ARHGEF7: variants seen among roughly 807,000 people sequenced by gnomAD.
ARHGEF7 encodes PAK-interacting exchange factor beta.
A neutral mutation model predicts 109.8 loss-of-function variants in ARHGEF7; 33 were observed. That is an observed-to-expected ratio of 0.30 (90% CI 0.23 to 0.40). ARHGEF7 has a LOEUF of 0.40. Ranked by LOEUF, ARHGEF7 falls within the 10% of genes least tolerant of loss-of-function variation. ARHGEF7 has a pLI of 1.00. For synonymous variants in ARHGEF7, 458 were observed against 424.6 expected (o/e 1.08, Z -0.97); for missense variants, 938 against 1,098.5 (o/e 0.85, Z 2.07).
chr13:111,232,546 T>C (rs1045091956), intron 5 of ARHGEF7, among the ~76,000 whole-genome samples: 6 of 152,260 alleles, frequency 3.9e-5, no homozygotes, highest in Non-Finnish European at 8.8e-5. Flanking sequence ...GCACCTGTTA[T>C]GCAGAGTAAG....
At chr13:111,276,643 A>G (rs1595448747) in intron 12 of ARHGEF7, among the ~76,000 whole-genome samples, 1 of 152,222 alleles carries the variant, frequency 6.6e-6, no homozygotes, top group South Asian at 2.1e-4. Context: ...AAGATTCTTT[A>G]TGATAGAGCT....
intron 1 of ARHGEF7, among the ~76,000 whole-genome samples, chr13:111,126,451 C>T (rs1281288691): frequency 1.3e-5 from 2 of 151,052 alleles, no homozygotes; most frequent in Non-Finnish European, 2.9e-5. Context: ...GATCGTGCCA[C>T]TGCACTCCAG....
chr13:111,164,050 G>A (rs1015356371), intron 2 of ARHGEF7, among the ~76,000 whole-genome samples: 2 of 146,482 alleles, frequency 1.4e-5, no homozygotes, highest in Non-Finnish European at 3.1e-5. Flanking sequence ...CGTATTGCGT[G>A]TTGCGTTTGG....
At position 111,283,250 on chromosome 13, in the gene ARHGEF7, A is replaced by C; in HGVS notation, c.1837A>C (p.Thr613Pro). Residue 613 changes from threonine to proline, a missense_variant, in exon 16 of 22, where the codon ACC (threonine) becomes CCC (proline). Around this residue, in one of 4 missense-constraint regions of ARHGEF7, gnomAD observed 585 missense variants for 723.6 expected, o/e 0.81. Coordinates refer to ENST00000646102, the MANE Select transcript of ARHGEF7 (RefSeq NM_001354046.2). ...CCCCTCCCACCACGGCACCCCGCAC[A>C]CCACCATCAACTGGGGACCCCTGGA... The part of the protein sequence containing the change: ...PHPSHHGTPH[T>P]TINWGPLEPP... The C allele has an allele frequency of 6.3e-7, 1 of 1,585,530 alleles. No homozygotes were observed. Among genetic ancestry groups the C allele is most frequent in the Non-Finnish European group, 8.6e-7 (1 of 1,168,858 alleles).
In ARHGEF7 at chr13:111,273,135, A is replaced by G. The variant is rs1351430475; in HGVS notation, c.1074-679A>G. 6.6e-6 allele frequency among the ~76,000 whole-genome samples: 1 copy of G among 152,236 alleles called. No homozygotes were observed. The highest frequency in any genetic ancestry group is 1.5e-5 in the Non-Finnish European group (1 of 68,042). ...CTTCCTTACGTGTTGTGAGGATTGA[A>G]TGTAACAATGCTTTTGAAGTTCTAA... On this transcript the variant is annotated intron_variant, in intron 9 of 21. Coordinates refer to ENST00000646102, the MANE Select transcript of ARHGEF7 (RefSeq NM_001354046.2). This position sits in a 1 kb window ranked among gnomAD's most constrained non-coding sequence, Gnocchi z 4.5.
rs183211960 is a variant in ARHGEF7, at chr13:111,232,555, A to G, written c.671-650A>G. Among the ~76,000 whole-genome samples the G allele has an allele frequency of 1.5e-3, 226 of 152,320 alleles. 2 individuals carry two copies. Among genetic ancestry groups the G allele is most frequent in the African/African-American group, 5.2e-3 (217 of 41,572 alleles). Reference sequence around the variant, plus strand: ...TCTTCAGCACCTGTTATGCAGAGTAAGTGTGTGTTGAATGGATGTGGAGTG... The same window carrying G: ...TCTTCAGCACCTGTTATGCAGAGTAGGTGTGTGTTGAATGGATGTGGAGTG... On this transcript the variant is annotated intron_variant, in intron 5 of 21. Coordinates refer to ENST00000646102, the MANE Select transcript of ARHGEF7 (RefSeq NM_001354046.2).
At chr13:111,199,009 G>C (rs535459390) in intron 2 of ARHGEF7, among the ~76,000 whole-genome samples, 4 of 152,322 alleles carry the variant, frequency 2.6e-5, no homozygotes, top group Non-Finnish European at 4.4e-5. Context: ...CAAACCTTTA[G>C]CTAGACACAT....
intron 8 of ARHGEF7, among the ~76,000 whole-genome samples, chr13:111,257,223 C>T (rs2090538762): frequency 6.6e-6 from 1 of 152,190 alleles, no homozygotes; most frequent in Non-Finnish European, 1.5e-5. Context: ...CTACTTAATC[C>T]TTCAGTCCCA....
intron 9 of ARHGEF7, 149 bp downstream of exon 9, chr13:111,267,819 T>C (rs1031186937): frequency 1.1e-5 from 11 of 982,616 alleles, no homozygotes; most frequent in Admixed American, 3.0e-5. Flanking sequence ...TGAGAAGTAC[T>C]GGTAAGAAGT....
chr13:111,198,952 G>A (rs369513163), intron 2 of ARHGEF7, among the ~76,000 whole-genome samples: 2 of 152,080 alleles, frequency 1.3e-5, no homozygotes, highest in East Asian at 1.9e-4. Context: ...AGCTGGACAC[G>A]GAGTGCTGAT....
intron 8 of ARHGEF7, among the ~76,000 whole-genome samples, chr13:111,253,392 G>C (rs1424418529): frequency 6.6e-6 from 1 of 152,164 alleles, no homozygotes; most frequent in Non-Finnish European, 1.5e-5. Context: ...ATAGAAAGGA[G>C]GTTAAATTCT....
At chr13:111,243,087 A>G (rs1272288404) in intron 6 of ARHGEF7, among the ~76,000 whole-genome samples, 1 of 152,276 alleles carries the variant, frequency 6.6e-6, no homozygotes, top group Non-Finnish European at 1.5e-5. Flanking sequence ...TAAATGAAGT[A>G]GTAAAGATTG....
Position 111,266,743 on chromosome 13 carries a change from G to T in ARHGEF7, c.951-805G>T. The T allele has an allele frequency of 2.2e-6, 1 of 451,744 alleles. No individual in the cohort carries two copies. Among genetic ancestry groups the T allele is most frequent in the South Asian group, 1.6e-5 (1 of 64,392 alleles). 28.0% of individuals were successfully genotyped at this position (451,744 alleles called of 1,614,324 possible). A position where few individuals can be genotyped will look rare whatever the true frequency, so the allele number is the denominator to read the frequency against. On this transcript the variant is annotated intron_variant, in intron 8 of 21. Coordinates refer to ENST00000646102, the MANE Select transcript of ARHGEF7 (RefSeq NM_001354046.2). This position sits in a 1 kb window ranked among gnomAD's most constrained non-coding sequence, Gnocchi z 4.8. ...TAGGTAGGAGGATGTAATCCTTCTG[G>T]TAATATTGTGGGTATCTGGGGAGCA... is the stretch of plus-strand genomic sequence containing the variant.
At chr13:111,128,725 T>C (rs181869401) in intron 1 of ARHGEF7, among the ~76,000 whole-genome samples, 28 of 152,256 alleles carry the variant, frequency 1.8e-4, no homozygotes, top group Non-Finnish European at 2.9e-4. Flanking sequence ...GCAACATATA[T>C]TGCTGAGTGA....
At chr13:111,234,003 C>G (rs193135252) in intron 6 of ARHGEF7, among the ~76,000 whole-genome samples, 2 of 152,048 alleles carry the variant, frequency 1.3e-5, no homozygotes, top group African/African-American at 4.8e-5. Context: ...AATTTTAAAC[C>G]ACTCAACATG....
At chr13:111,123,939 T>G (rs1002294360) in intron 1 of ARHGEF7, among the ~76,000 whole-genome samples, 4 of 149,794 alleles carry the variant, frequency 2.7e-5, no homozygotes, top group Non-Finnish European at 4.4e-5. Flanking sequence ...TGCTGACCTT[T>G]CCACTTGTAT....
Position 111,303,307 on chromosome 13 carries a change from G to A in ARHGEF7, c.*194G>A, listed in dbSNP as rs2093608652. 3 of 491,394 alleles carry A rather than the reference G, an allele frequency of 6.1e-6. No individual in the cohort carries two copies. Among genetic ancestry groups the A allele is most frequent in the Non-Finnish European group, 3.5e-6 (1 of 283,846 alleles). The allele number at this position is 491,394 out of a possible 1,614,324, so 30.4% of individuals were successfully genotyped here. ...CCATGACTGATGAATCCAGACAGGA[G>A]GGATTGACTCTGAGGACCTGAGCTA... is the stretch of plus-strand genomic sequence containing the variant. On this transcript the variant is annotated 3_prime_UTR_variant, in exon 22 of 22. Transcript: ENST00000646102.
intron 2 of ARHGEF7, among the ~76,000 whole-genome samples, chr13:111,175,034 T>A (rs932727561): frequency 6.6e-6 from 1 of 152,256 alleles, no homozygotes; most frequent in African/African-American, 2.4e-5. Context: ...TCTTCCCTGT[T>A]TTAAGTTGAA....
At chr13:111,147,403 T>C (rs1259012307) in intron 1 of ARHGEF7, among the ~76,000 whole-genome samples, 1 of 152,250 alleles carries the variant, frequency 6.6e-6, no homozygotes, top group African/African-American at 2.4e-5. Flanking sequence ...TGCAGTGTTA[T>C]CTGTGGTTTT....
Sources: allele counts gnomAD v4.1 joint callset (sites outside exome capture counted in the v4.1 genomes callset), GRCh38; gene constraint gnomAD v4.1.1; regional missense constraint gnomAD v4.1.1; non-coding constraint Gnocchi (gnomAD v3.1); transcripts MANE v1.5; gene names NCBI Gene and HGNC (gene_info 2026-07-23, HGNC 2026-07-21).